The following ZBTB41 variants were observed in gnomAD, a reference collection of about 807,000 sequenced individuals.
ZBTB41 encodes the protein zinc finger and BTB domain containing 41.
Under a neutral mutation model 87.6 loss-of-function variants are expected in ZBTB41, and 42 were observed. That is an observed-to-expected ratio of 0.48 (90% confidence interval 0.37 to 0.62). The LOEUF is 0.62. ZBTB41 is among the 20% of genes least tolerant of loss of function. ZBTB41 has a pLI of 0.00. For missense variants in ZBTB41, 799 were observed against 1,078.9 expected, an observed-to-expected ratio of 0.74 and a Z score of 3.63; for synonymous variants, 364 against 364.0, an observed-to-expected ratio of 1.00 and a Z score of 0.00.
chr1:197,160,040 T>C (rs1333898635), intron 10 of ZBTB41, 26 bp from the exon 11 acceptor site: 26 of 1,573,018 alleles, frequency 1.7e-5, no homozygotes, highest in Middle Eastern at 1.7e-4. Context: ...AGAATATAAT[T>C]AGATGTAAAA....
intron 2 of ZBTB41, among the ~76,000 whole-genome samples, chr1:197,196,320 A>C (rs568343484): frequency 6.6e-6 from 1 of 152,156 alleles, no homozygotes; most frequent in Admixed American, 6.5e-5. Context: ...GAGGACACTT[A>C]AGACACATGG....
Position 197,159,827 on chromosome 1 carries a change from A to G in ZBTB41, c.2262T>C (p.Asp754=). The G allele has an allele frequency of 6.2e-6, 10 of 1,614,000 alleles. No homozygotes were observed. The highest frequency in any genetic ancestry group is 8.5e-6 in the Non-Finnish European group (10 of 1,179,908). Residue 754 remains aspartate (D), a synonymous_variant, in exon 11 of 11, where the codon GAT becomes GAC. Coordinates refer to ENST00000367405, the MANE Select transcript of ZBTB41 (RefSeq NM_194314.3). ...GTTTTTCCTCAGAAGTACTGAGAGGATCATCAGGAGATTTTATTTCATGAA... is the reference window on the plus strand; with the variant it reads ...GTTTTTCCTCAGAAGTACTGAGAGGGTCATCAGGAGATTTTATTTCATGAA... ...DHVHEIKSPD[D]PLSTSEEKLV...
intron 10 of ZBTB41, among the ~76,000 whole-genome samples, chr1:197,164,799 A>T (rs1357880815): frequency 1.9e-5 from 1 of 52,016 alleles, no homozygotes; most frequent in Non-Finnish European, 3.5e-5. Flanking sequence ...ATACATATAT[A>T]ATATATTATA....
At chr1:197,193,688 C>T (rs888423928) in intron 2 of ZBTB41, among the ~76,000 whole-genome samples, 1 of 152,164 alleles carries the variant, frequency 6.6e-6, no homozygotes, top group African/African-American at 2.4e-5. Context: ...CATACATGTA[C>T]ACATCCTACC....
At position 197,199,905 on chromosome 1, in the gene ZBTB41, GA is replaced by G. The variant is rs758932299; in HGVS notation, c.568del (p.Ser190HisfsTer7). The G allele has an allele frequency of 6.2e-7, 1 of 1,611,950 alleles. No homozygotes were observed. On this transcript the variant is annotated frameshift_variant, in exon 2 of 11. Coordinates refer to ENST00000367405, the MANE Select transcript of ZBTB41 (RefSeq NM_194314.3). LOFTEE classifies it high-confidence loss of function. ...APFHSELTEK[S>X]SPEETLNELT... Reference sequence around the variant, plus strand: ...TTCATTTAGTGTTTCTTCTGGTGATGACTTTTCAGTTAGCTCTGAATGAAAA... The same window carrying G: ...TTCATTTAGTGTTTCTTCTGGTGATGCTTTTCAGTTAGCTCTGAATGAAAA...
intron 10 of ZBTB41, among the ~76,000 whole-genome samples, chr1:197,164,131 G>T (rs555767381): frequency 5.3e-5 from 8 of 152,088 alleles, no homozygotes; most frequent in African/African-American, 1.9e-4. Flanking sequence ...AGAAAGATAA[G>T]GGTGTTATAA....
At chr1:197,198,484 A>G (rs1660221361) in intron 2 of ZBTB41, among the ~76,000 whole-genome samples, 1 of 152,138 alleles carries the variant, frequency 6.6e-6, no homozygotes, top group South Asian at 2.1e-4. Flanking sequence ...GTCAGATTGC[A>G]GTAATTTTTT....
intron 8 of ZBTB41, among the ~76,000 whole-genome samples, chr1:197,175,398 T>C (rs527396154): frequency 1.2e-4 from 14 of 120,766 alleles, no homozygotes; most frequent in Non-Finnish European, 2.3e-4. Flanking sequence ...CAGAGCAAGA[T>C]AAACGAAACT....
chr1:197,183,569 G>A (rs1335892854), intron 5 of ZBTB41, among the ~76,000 whole-genome samples: 1 of 152,156 alleles, frequency 6.6e-6, no homozygotes, highest in South Asian at 2.1e-4. Context: ...ATTTGTGGGT[G>A]TACAGTAGTA....
Position 197,172,241 on chromosome 1 carries a change from C to T in ZBTB41, c.1993G>A (p.Ala665Thr), listed in dbSNP as rs780914695. The change falls in exon 10 of 11, where the codon GCA becomes ACA. Residue 665 changes from alanine (A) to threonine (T), a missense_variant. Transcript: ENST00000367405. ...CAAACATCACATTGATGAAATGTTG[C>T]TTTATATCTAAGAAAATAAAAAGAT... ...LGEKVWQKYK[A>T]TFHQCDVCKK... 5.3e-6 allele frequency: 7 copies of T among 1,315,534 alleles called. No homozygotes were observed. In the African/African-American group the frequency reaches 9.1e-5, roughly 17 times the overall value. The allele number at this position is 1,315,534 out of a possible 1,614,324, so 81.5% of individuals were successfully genotyped here.
chr1:197,164,503 CAT>C (rs1659269202), intron 10 of ZBTB41, among the ~76,000 whole-genome samples: 1 of 150,546 alleles, frequency 6.6e-6, no homozygotes, highest in African/African-American at 2.4e-5. Context: ...CCAAAAGATG[CAT>C]ATCATAAATA....
chr1:197,197,455 G>T (rs1428651626), intron 2 of ZBTB41, among the ~76,000 whole-genome samples: 1 of 150,998 alleles, frequency 6.6e-6, no homozygotes, highest in Non-Finnish European at 1.5e-5. Context: ...CATTCAGAAA[G>T]GTCAGTCAGA....
chr1:197,156,896 T>C lies in ZBTB41; in HGVS notation c.*2463A>G, dbSNP rs2125120466. ...GCTTTCTTCTTTCCCTACTAGTAGC[T>C]CTGCCACCTACTGACCATGTGAGCT... On this transcript the variant is annotated 3_prime_UTR_variant, in exon 11 of 11. Coordinates refer to ENST00000367405, the MANE Select transcript of ZBTB41 (RefSeq NM_194314.3). 1 of 152,218 alleles carries C rather than the reference T, an allele frequency of 6.6e-6. No homozygotes were observed. The highest frequency in any genetic ancestry group is 1.9e-4 in the East Asian group (1 of 5,202). The allele number at this position is 152,218 out of a possible 1,614,324, so 9.4% of individuals were successfully genotyped here.
At chr1:197,196,499 C>G (rs534043471) in intron 2 of ZBTB41, among the ~76,000 whole-genome samples, 76 of 152,174 alleles carry the variant, frequency 5.0e-4, no homozygotes, top group Non-Finnish European at 9.1e-4. Flanking sequence ...TATGCTCCTT[C>G]TTGTCTCCCT....
intron 5 of ZBTB41, among the ~76,000 whole-genome samples, chr1:197,187,935 T>C (rs903591028): frequency 6.6e-6 from 1 of 152,224 alleles, no homozygotes; most frequent in African/African-American, 2.4e-5. Flanking sequence ...TATGATACTA[T>C]AATGATACCC....
chr1:197,174,488 G>A (rs4244141), intron 9 of ZBTB41, among the ~76,000 whole-genome samples: 130,229 of 152,022 alleles, frequency 0.86, 56,343 homozygotes, highest in East Asian at 1. Flanking sequence ...CATGTCTGTT[G>A]TTTATCATTT....
intron 6 of ZBTB41, among the ~76,000 whole-genome samples, chr1:197,180,457 A>G (rs1377591078): frequency 1.3e-5 from 2 of 152,172 alleles, no homozygotes; most frequent in African/African-American, 4.8e-5. Context: ...TGAATCTGAA[A>G]TAAAAGTAGA....
intron 10 of ZBTB41, among the ~76,000 whole-genome samples, chr1:197,167,540 T>C (rs1263584324): frequency 6.6e-6 from 1 of 152,028 alleles, no homozygotes; most frequent in African/African-American, 2.4e-5. Flanking sequence ...ATGAACAGGA[T>C]AAACAAGATA....
At chr1:197,172,803 G>A (rs1482781858) in intron 9 of ZBTB41, among the ~76,000 whole-genome samples, 4 of 151,648 alleles carry the variant, frequency 2.6e-5, no homozygotes, top group Non-Finnish European at 5.9e-5. Context: ...AAGAATCTGC[G>A]GCAATTTTAA....
Sources: gnomAD v4.1 joint callset for allele counts (sites outside exome capture counted in the v4.1 genomes callset) on GRCh38, gnomAD v4.1.1 for gene constraint, MANE v1.5 for transcripts, NCBI Gene and HGNC (gene_info 2026-07-23, HGNC 2026-07-21) for gene names.